ABCC6: variants seen among roughly 807,000 people sequenced by gnomAD.
The protein encoded by ABCC6 is ATP-binding cassette sub-family C member 6.
A neutral mutation model predicts 169.5 loss-of-function variants in ABCC6; 126 were observed. That is an observed-to-expected ratio of 0.74 (90% confidence interval 0.64 to 0.86). ABCC6 has a LOEUF of 0.86. ABCC6 is among the 40% of genes least tolerant of loss of function. ABCC6 has a pLI of 0.00. For synonymous variants in ABCC6, 752 were observed against 814.7 expected (o/e 0.92, Z 1.31); for missense variants, 1,733 against 1,927.2 (o/e 0.90, Z 1.89).
intron 29 of ABCC6, among the ~76,000 whole-genome samples, chr16:16,151,101 G>A (rs1320170882): frequency 1.2e-4 from 18 of 145,190 alleles, no homozygotes; most frequent in African/African-American, 4.4e-4. Flanking sequence ...GTCTTGCTCT[G>A]CCACCCAGGC....
intron 8 of ABCC6, among the ~76,000 whole-genome samples, chr16:16,202,773 C>T (rs1387695880): frequency 6.6e-6 from 1 of 152,154 alleles, no homozygotes. Context: ...TTGTTCAAGC[C>T]ACTCAGTCTC....
intron 20 of ABCC6, 110 bp downstream of exon 20, chr16:16,175,801 A>G: frequency 1.6e-6 from 2 of 1,245,918 alleles, no homozygotes; most frequent in South Asian, 2.5e-5. Context: ...CAGGTTCTCT[A>G]TCCATAATGG....
chr16:16,164,607 G>A (rs1394308107), intron 23 of ABCC6, among the ~76,000 whole-genome samples: 2 of 152,178 alleles, frequency 1.3e-5, no homozygotes, highest in Admixed American at 1.3e-4. Context: ...AAGGTGAGAT[G>A]ATATGATAGC....
At chr16:16,157,609 T>A in intron 27 of ABCC6, 54 bp downstream of exon 27, 1 of 1,611,064 alleles carries the variant, frequency 6.2e-7, no homozygotes, top group Non-Finnish European at 8.5e-7. Context: ...GCCTTGTCCC[T>A]GGAGTCCTTT....
In ABCC6 at chr16:16,196,521, G is replaced by C. The variant is rs950062220; in HGVS notation, c.1338+1500C>G. ...TTAAGTGCTTTCTACATATGGGCTC[G>C]TTTAATGCCTCAGCCCCTCTGGGGC... On this transcript the variant is annotated intron_variant, in intron 10 of 30. Coordinates refer to ENST00000205557, the MANE Select transcript of ABCC6 (RefSeq NM_001171.6). Among the ~76,000 whole-genome samples, 83 of 152,154 alleles carry C rather than the reference G, an allele frequency of 5.5e-4. 2 individuals are homozygous for C. Among genetic ancestry groups the C allele is most frequent in the Non-Finnish European group, 2.5e-4 (17 of 68,018 alleles).
chr16:16,202,337 G>A (rs2048269202), intron 8 of ABCC6, among the ~76,000 whole-genome samples, 159 bp from the exon 9 acceptor site: 2 of 151,682 alleles, frequency 1.3e-5, no homozygotes, highest in African/African-American at 4.9e-5. Flanking sequence ...AATGGTCTCC[G>A]TTATTTCCCC....
chr16:16,165,162 G>C (rs541958403), intron 23 of ABCC6, among the ~76,000 whole-genome samples: 14 of 152,342 alleles, frequency 9.2e-5, no homozygotes, highest in African/African-American at 3.4e-4. Flanking sequence ...TGTAATCCCA[G>C]AACTTTGGGA....
At chr16:16,175,347 C>T (rs555132566) in intron 20 of ABCC6, among the ~76,000 whole-genome samples, 1 of 152,280 alleles carries the variant, frequency 6.6e-6, no homozygotes, top group African/African-American at 2.4e-5. Flanking sequence ...TTCCCAAGAC[C>T]CCTCTCATTA....
intron 11 of ABCC6, among the ~76,000 whole-genome samples, chr16:16,191,634 C>T (rs1288316146): frequency 2.6e-5 from 2 of 78,250 alleles, no homozygotes; most frequent in African/African-American, 4.6e-5. Flanking sequence ...TTGCTTTCTT[C>T]CCTCTTTCCT....
intron 7 of ABCC6, among the ~76,000 whole-genome samples, chr16:16,207,631 G>C (rs560016600): frequency 2.0e-5 from 3 of 152,188 alleles, no homozygotes; most frequent in African/African-American, 7.2e-5. Context: ...AGTATGCAGG[G>C]AACTTCCCAC....
rs138700400 is a variant in ABCC6, at chr16:16,178,292, C to A, written c.2415+506G>T. On this transcript the variant is annotated intron_variant, in intron 18 of 30. Transcript: ENST00000205557. Reference sequence around the variant, plus strand: ...CAGTGAGCGGAGATCGCACCACTGCCCTCCAGACTGAAAGACAGAGCGAGA... The same window carrying A: ...CAGTGAGCGGAGATCGCACCACTGCACTCCAGACTGAAAGACAGAGCGAGA... Among the ~76,000 whole-genome samples, 7 of 152,038 alleles carry A rather than the reference C, an allele frequency of 4.6e-5. No individual in the cohort carries two copies. In the East Asian group the frequency reaches 5.8e-4, roughly 13 times the overall value.
intron 26 of ABCC6, among the ~76,000 whole-genome samples, chr16:16,158,537 C>T (rs1307661981): frequency 2.6e-5 from 4 of 152,242 alleles, no homozygotes; most frequent in African/African-American, 9.6e-5. Flanking sequence ...TTTCTTCTAC[C>T]CTATTCATCA....
rs2048494143 is a variant in ABCC6 at position 16,208,856 on chromosome 16, C to T, written c.666G>A (p.Leu222=). ...GTGGCCTCCTGTATCCCCTCCAGAC[C>T]AGGCTGCAAAAGAGGGGCACCAGGG... ...SKATFWWVSG[L]VWRGYRRPLR... The change falls in exon 7 of 31, where the codon CTG becomes CTA. Residue 222 remains leucine, a synonymous_variant. Coordinates refer to ENST00000205557, the MANE Select transcript of ABCC6 (RefSeq NM_001171.6). The T allele has an allele frequency of 6.2e-7, 1 of 1,613,350 alleles. No homozygotes were observed. Among genetic ancestry groups the T allele is most frequent in the South Asian group, 1.1e-5 (1 of 91,046 alleles).
chr16:16,180,918 C>G (rs2047445568), intron 17 of ABCC6, among the ~76,000 whole-genome samples: 1 of 152,174 alleles, frequency 6.6e-6, no homozygotes, highest in Non-Finnish European at 1.5e-5. Context: ...TTAATGGATC[C>G]ATCATTCTCA....
chr16:16,201,265 C>A (rs1442023962), intron 9 of ABCC6, among the ~76,000 whole-genome samples: 1 of 152,212 alleles, frequency 6.6e-6, no homozygotes, highest in Non-Finnish European at 1.5e-5. Context: ...CTGTGCCCAG[C>A]CTAGGGGTCA....
intron 29 of ABCC6, among the ~76,000 whole-genome samples, chr16:16,151,766 A>C (rs749971421): frequency 2.7e-4 from 41 of 152,192 alleles, no homozygotes; most frequent in Non-Finnish European, 5.0e-4. Flanking sequence ...ACACAGATAC[A>C]GAGAAGCTCA....
At position 16,161,406 on chromosome 16, in the gene ABCC6, C is replaced by T. The variant is rs567619910; in HGVS notation, c.3633+32G>A. 14 of 1,613,444 alleles carry T rather than the reference C, an allele frequency of 8.7e-6. No individual in the cohort carries two copies. The African/African-American group carries it at 1.6e-4, about 18-fold the overall frequency. On this transcript the variant is annotated intron_variant, in intron 25 of 30. Transcript: ENST00000205557. ...CCGACAGTCTCTGCCTCTGTCTGTC[C>T]CTCAAGCCCAGTTTGGGGATGTGGG... is the stretch of plus-strand genomic sequence containing the variant.
chr16:16,216,192 A>G (rs1242998970), intron 4 of ABCC6, among the ~76,000 whole-genome samples: 1 of 152,174 alleles, frequency 6.6e-6, no homozygotes, highest in Non-Finnish European at 1.5e-5. Context: ...AAAGTGCTGG[A>G]ATTACAGGTG....
At chr16:16,171,801 A>G (rs13336067) in intron 21 of ABCC6, among the ~76,000 whole-genome samples, 5 of 149,888 alleles carry the variant, frequency 3.3e-5, no homozygotes, top group Non-Finnish European at 5.9e-5. Flanking sequence ...TGGGATGGAC[A>G]GATAAATGAG....
Sources: allele counts gnomAD v4.1 joint callset (sites outside exome capture counted in the v4.1 genomes callset), GRCh38; gene constraint gnomAD v4.1.1; transcripts MANE v1.5; gene names NCBI Gene and HGNC (gene_info 2026-07-23, HGNC 2026-07-21).